GPC6: variants seen among roughly 807,000 people sequenced by gnomAD.
GPC6 encodes glypican 6.
GPC6 carries 14 observed loss-of-function variants against 55.2 expected under a neutral mutation model. The observed-to-expected ratio is 0.25, with a 90% CI of 0.17 to 0.40. The LOEUF is 0.40. Ranked by LOEUF, GPC6 falls within the 10% of genes least tolerant of loss-of-function variation. The probability of loss-of-function intolerance (pLI) is 1.00; values close to 1 mark genes in which losing one functional copy is unlikely to be tolerated. For missense variants in GPC6, 641 were observed against 708.5 expected (o/e 0.90, Z 1.08); for synonymous variants, 278 against 259.6 (o/e 1.07, Z -0.68).
chr13:93,975,629 C>T (rs1880482651), intron 3 of GPC6, among the ~76,000 whole-genome samples: 1 of 152,136 alleles, frequency 6.6e-6, no homozygotes, highest in Non-Finnish European at 1.5e-5. Flanking sequence ...AATCTTAGTT[C>T]TGTTGACCCA....
At chr13:94,134,776 C>T (rs959289083) in intron 4 of GPC6, among the ~76,000 whole-genome samples, 3 of 152,160 alleles carry the variant, frequency 2.0e-5, no homozygotes, top group Middle Eastern at 3.4e-3. Context: ...AGAGGACTTT[C>T]GGGTTTCTAT....
intron 1 of GPC6, among the ~76,000 whole-genome samples, chr13:93,354,476 G>A (rs540853573): frequency 4.0e-5 from 6 of 148,418 alleles, no homozygotes; most frequent in South Asian, 4.3e-4. Flanking sequence ...TCAGCCTCCC[G>A]AGTAGCTGGG....
intron 3 of GPC6, among the ~76,000 whole-genome samples, chr13:93,950,049 T>C (rs1879183733): frequency 6.6e-6 from 1 of 152,226 alleles, no homozygotes; most frequent in Non-Finnish European, 1.5e-5. Flanking sequence ...ACAGAGTTTC[T>C]GTCTGGATGA....
chr13:93,966,724 CATTGCAGCCTCA>C (rs1049179888), intron 3 of GPC6, among the ~76,000 whole-genome samples: 1 of 137,946 alleles, frequency 7.2e-6, no homozygotes, highest in Non-Finnish European at 1.5e-5. Flanking sequence ...GATCATGGCT[CATTGCAGCCTCA>C]ACCTCCTGGA....
intron 1 of GPC6, among the ~76,000 whole-genome samples, chr13:93,504,457 A>C (rs2813592): frequency 6.7e-6 from 1 of 149,136 alleles, no homozygotes; most frequent in East Asian, 2.0e-4. Flanking sequence ...TTCTGCCAAC[A>C]CATTATAAAA....
chr13:93,534,278 A>G (rs1881971358), intron 1 of GPC6, among the ~76,000 whole-genome samples: 2 of 152,082 alleles, frequency 1.3e-5, no homozygotes, highest in Non-Finnish European at 2.9e-5. Context: ...TTTACTTTCT[A>G]TCTACTTCCT....
chr13:93,576,764 G>T (rs972952208), intron 2 of GPC6, among the ~76,000 whole-genome samples: 2 of 152,018 alleles, frequency 1.3e-5, no homozygotes, highest in Non-Finnish European at 2.9e-5. Flanking sequence ...AAATTCTGAT[G>T]AATATAATTT....
At chr13:93,693,011 T>G (rs1197686570) in intron 2 of GPC6, among the ~76,000 whole-genome samples, 1 of 151,900 alleles carries the variant, frequency 6.6e-6, no homozygotes, top group Admixed American at 6.6e-5. Flanking sequence ...AATCTTTTCT[T>G]GCTAAAAAGT....
At chr13:94,369,152 A>G (rs866966908) in intron 6 of GPC6, among the ~76,000 whole-genome samples, 2 of 152,320 alleles carry the variant, frequency 1.3e-5, no homozygotes, top group Middle Eastern at 6.8e-3. Flanking sequence ...TATGGTATAT[A>G]TTATTTACAT....
intron 1 of GPC6, among the ~76,000 whole-genome samples, chr13:93,271,364 G>A (rs1877518440): frequency 6.6e-6 from 1 of 152,068 alleles, no homozygotes; most frequent in East Asian, 1.9e-4. Context: ...AGACAGTGAA[G>A]GTATTGTCTG....
At chr13:94,187,029 T>C (rs1248385478) in intron 4 of GPC6, 1 of 152,250 alleles carries the variant, frequency 6.6e-6, no homozygotes, top group Non-Finnish European at 1.5e-5. Flanking sequence ...GCATTTGCAC[T>C]GGAGCTTGAC....
Position 93,556,388 on chromosome 13 carries a change from G to GTA in GPC6, c.319+10968_319+10969insAT, listed in dbSNP as rs1460828995. 7.6e-3 allele frequency among the ~76,000 whole-genome samples: 980 copies of GTA among 129,588 alleles called. 4 individuals carry two copies. Among genetic ancestry groups the GTA allele is most frequent in the African/African-American group, 0.024 (794 of 33,040 alleles). The allele number at this position is 129,588 out of a possible 152,430, so 85.0% of individuals were successfully genotyped here. A position where few individuals can be genotyped will look rare whatever the true frequency, so the allele number is the denominator to read the frequency against. On this transcript the variant is annotated intron_variant, in intron 2 of 8. Coordinates refer to ENST00000377047, the MANE Select transcript of GPC6 (RefSeq NM_005708.5). ...GTGGGTAAATAGTGTGTGTGTGTGT[G>GTA]TGTGTGTATGTATGTATATGTATAT...
intron 4 of GPC6, among the ~76,000 whole-genome samples, chr13:94,071,248 T>G (rs900205068): frequency 5.3e-5 from 8 of 152,208 alleles, no homozygotes; most frequent in African/African-American, 1.9e-4. Context: ...ATGAATAGTC[T>G]TTCGTGTAGA....
chr13:94,031,050 GTT>G (rs1566311324), intron 4 of GPC6, among the ~76,000 whole-genome samples: 1 of 151,544 alleles, frequency 6.6e-6, no homozygotes, highest in Non-Finnish European at 1.5e-5. Context: ...GCGTTTGTGC[GTT>G]TGTGCGTGTG....
intron 3 of GPC6, among the ~76,000 whole-genome samples, chr13:93,856,680 G>A (rs1044918800): frequency 6.6e-6 from 1 of 151,636 alleles, no homozygotes; most frequent in African/African-American, 2.4e-5. Context: ...GTGGACATGT[G>A]TAGAACATCA....
chr13:93,464,085 G>A (rs148083751), intron 1 of GPC6, among the ~76,000 whole-genome samples: 410 of 152,120 alleles, frequency 2.7e-3, no homozygotes, highest in African/African-American at 9.5e-3. Context: ...GTCTACAACC[G>A]GTACATATCT....
intron 3 of GPC6, among the ~76,000 whole-genome samples, chr13:94,023,970 G>A (rs972981210): frequency 1.3e-5 from 2 of 152,062 alleles, no homozygotes; most frequent in African/African-American, 4.8e-5. Context: ...GCCAGGTGAT[G>A]GGGACATTAG....
chr13:93,660,816 G>C (rs1880892343), intron 2 of GPC6, among the ~76,000 whole-genome samples: 1 of 152,180 alleles, frequency 6.6e-6, no homozygotes, highest in Non-Finnish European at 1.5e-5. Flanking sequence ...CTTTAGAAGG[G>C]ACTTGACAGG....
intron 2 of GPC6, among the ~76,000 whole-genome samples, chr13:93,592,941 A>G (rs1329569982): frequency 6.6e-6 from 1 of 152,004 alleles, no homozygotes; most frequent in East Asian, 1.9e-4. Flanking sequence ...CTTGATTTGA[A>G]GATAATTCAG....
Sources: gnomAD v4.1 joint callset for allele counts (sites outside exome capture counted in the v4.1 genomes callset) on GRCh38, gnomAD v4.1.1 for gene constraint, MANE v1.5 for transcripts, NCBI Gene and HGNC (gene_info 2026-07-23, HGNC 2026-07-21) for gene names.